The following AGL variants were observed in gnomAD, a reference collection of about 807,000 sequenced individuals.
AGL encodes the protein amylo-alpha-1,6-glucosidase and 4-alpha-glucanotransferase, also known as glycogen debranching enzyme.
Under a neutral mutation model 199.3 loss-of-function variants are expected in AGL, and 128 were observed. That is an observed-to-expected ratio of 0.64 (90% confidence interval 0.56 to 0.74). The LOEUF is 0.74. Ranked by LOEUF, AGL falls within the 30% of genes least tolerant of loss-of-function variation. The probability of loss-of-function intolerance (pLI) is 0.00; values close to 1 mark genes in which losing one functional copy is unlikely to be tolerated. For missense variants in AGL, 1,809 were observed against 1,820.8 expected (o/e 0.99, Z 0.12); for synonymous variants, 584 against 594.7 (o/e 0.98, Z 0.26).
intron 12 of AGL, among the ~76,000 whole-genome samples, chr1:99,878,442 T>G (rs1250661021): frequency 6.6e-6 from 1 of 152,110 alleles, no homozygotes; most frequent in East Asian, 1.9e-4. Context: ...TTATTATTTA[T>G]AAAAATTATA....
chr1:99,880,841 GAT>G, intron 14 of AGL, 46 bp downstream of exon 14: 1 of 1,593,926 alleles, frequency 6.3e-7, no homozygotes, highest in Non-Finnish European at 8.6e-7. Context: ...TAAATGCTTT[GAT>G]ATTTAACTCT....
intron 29 of AGL, 149 bp from the exon 30 acceptor site, chr1:99,913,378 C>T (rs748233047): frequency 2.2e-5 from 15 of 685,850 alleles, no homozygotes; most frequent in Non-Finnish European, 3.8e-5. Context: ...TATAACACAT[C>T]TCAATTCAGA....
At chr1:99,849,654 A>G (rs1648763284), upstream of AGL, among the ~76,000 whole-genome samples, 1 of 152,212 alleles carries the variant, frequency 6.6e-6, no homozygotes, top group East Asian at 1.9e-4. Context: ...GAAGTGATGG[A>G]CACGTGTTGG....
intron 25 of AGL, among the ~76,000 whole-genome samples, chr1:99,899,213 T>A (rs1653595479): frequency 6.6e-6 from 1 of 152,212 alleles, no homozygotes; most frequent in Non-Finnish European, 1.5e-5. Context: ...AGATGGGCAT[T>A]AAGCTTAGAC....
intron 2 of AGL, among the ~76,000 whole-genome samples, chr1:99,856,423 CTTT>C: frequency 7.5e-6 from 1 of 132,956 alleles, no homozygotes; most frequent in African/African-American, 3.1e-5. Flanking sequence ...TCTTCCCTTT[CTTT>C]TCTTTTCTTG....
Position 99,905,531 on chromosome 1 carries a change from C to T in AGL, c.3700+2737C>T, listed in dbSNP as rs613762. Among the ~76,000 whole-genome samples the T allele has an allele frequency of 6.4e-3, 981 of 152,238 alleles. 13 individuals carry two copies. Among genetic ancestry groups the T allele is most frequent in the African/African-American group, 0.023 (947 of 41,520 alleles). The stretch of plus-strand genomic sequence containing the variant: ...CATGTGCTCATTGGCCATCCATCTT[C>T]CCTCTTTGCTGAAATGTCGGTTCAC... On this transcript the variant is annotated intron_variant, in intron 27 of 33. Transcript: ENST00000361915.
rs1654685306 is a variant in AGL at position 99,910,711 on chromosome 1, G to C, written c.3701-1G>C. The stretch of plus-strand genomic sequence containing the variant: ...TATTTTATACACATTTTGTTTTTTA[G>C]GTTTTAATATAACTGCAGGAGTTGA... On this transcript the variant is annotated splice_acceptor_variant, in intron 27 of 33. Coordinates refer to ENST00000361915, the MANE Select transcript of AGL (RefSeq NM_000642.3). LOFTEE classifies it high-confidence loss of function. 1 of 1,584,810 alleles carries C rather than the reference G, an allele frequency of 6.3e-7. No homozygotes were observed. Among genetic ancestry groups the C allele is most frequent in the South Asian group, 1.1e-5 (1 of 88,480 alleles).
intron 30 of AGL, among the ~76,000 whole-genome samples, chr1:99,914,147 A>T (rs902158212): frequency 6.6e-6 from 1 of 152,194 alleles, no homozygotes; most frequent in East Asian, 1.9e-4. Flanking sequence ...AAAGAAAATG[A>T]TATTTGTATA....
chr1:99,879,954 C>G lies in AGL; in HGVS notation c.1643C>G (p.Pro548Arg), dbSNP rs372776426. 6.2e-6 allele frequency: 10 copies of G among 1,613,526 alleles called. No individual in the cohort carries two copies. The highest frequency in any genetic ancestry group is 2.2e-5 in the South Asian group (2 of 91,076). Residue 548 changes from proline to arginine, a missense_variant, in exon 13 of 34, where the codon CCC becomes CGC. Transcript: ENST00000361915. ...YMLDAARNLQ[P>R]NLYVVAELFT... ...TTGGATGCTGCTAGGAATTTGCAAC[C>G]CAATTTATATGTAGTAGCTGAACTG... is the stretch of plus-strand genomic sequence containing the variant.
intron 27 of AGL, among the ~76,000 whole-genome samples, chr1:99,903,345 C>G (rs754382921): frequency 3.1e-4 from 47 of 151,868 alleles, no homozygotes; most frequent in Non-Finnish European, 5.6e-4. Context: ...TCCAAGTATT[C>G]TCATTGTTCA....
intron 2 of AGL, among the ~76,000 whole-genome samples, chr1:99,855,474 G>A (rs996245838): frequency 4.6e-5 from 7 of 151,970 alleles, no homozygotes; most frequent in South Asian, 4.2e-4. Flanking sequence ...TAGCTTTTTC[G>A]CTTATTTCCT....
intron 7 of AGL, among the ~76,000 whole-genome samples, chr1:99,873,454 G>A (rs1452791514): frequency 7.5e-6 from 1 of 132,914 alleles, no homozygotes. Context: ...TTTTTTTTGA[G>A]ACAGAGTTTC....
chr1:99,898,442 A>G (rs1653515980), intron 25 of AGL, among the ~76,000 whole-genome samples: 1 of 152,166 alleles, frequency 6.6e-6, no homozygotes, highest in African/African-American at 2.4e-5. Context: ...TAAAATACTT[A>G]GTATATGGCC....
chr1:99,886,074 C>T (rs1033230873), intron 20 of AGL, among the ~76,000 whole-genome samples: 1 of 152,152 alleles, frequency 6.6e-6, no homozygotes, highest in African/African-American at 2.4e-5. Flanking sequence ...GAGTTTCCAT[C>T]ATTAGCAATA....
chr1:99,861,760 T>G (rs925705079), intron 3 of AGL, 47 bp downstream of exon 3: 1 of 1,593,176 alleles, frequency 6.3e-7, no homozygotes, highest in Non-Finnish European at 8.6e-7. Flanking sequence ...ATTTGTTCTG[T>G]AATTTGAAGT....
intron 24 of AGL, among the ~76,000 whole-genome samples, chr1:99,894,804 A>G (rs1010408652): frequency 6.6e-6 from 1 of 152,212 alleles, no homozygotes; most frequent in African/African-American, 2.4e-5. Flanking sequence ...AAATATTTAT[A>G]GGTATATATT....
intron 5 of AGL, 109 bp from the exon 6 acceptor site, chr1:99,870,291 G>GA (rs1230097330): frequency 2.5e-6 from 3 of 1,196,646 alleles, no homozygotes; most frequent in East Asian, 2.5e-5. Flanking sequence ...GTCCAATATA[G>GA]AAAAAAATGA....
intron 2 of AGL, among the ~76,000 whole-genome samples, chr1:99,859,734 G>A (rs990578292): frequency 1.4e-4 from 21 of 152,064 alleles, no homozygotes; most frequent in African/African-American, 5.1e-4. Context: ...TAGAGATGGG[G>A]TTTCACCATG....
chr1:99,863,643 C>T (rs1441451233), intron 4 of AGL, among the ~76,000 whole-genome samples: 3 of 151,840 alleles, frequency 2.0e-5, no homozygotes, highest in Non-Finnish European at 2.9e-5. Context: ...TTAGTAGAGA[C>T]AGGGTTTCAC....
Sources: allele counts gnomAD v4.1 joint callset (sites outside exome capture counted in the v4.1 genomes callset), GRCh38; gene constraint gnomAD v4.1.1; transcripts MANE v1.5; gene names NCBI Gene and HGNC (gene_info 2026-07-23, HGNC 2026-07-21).